The following NPSR1 variants were observed in gnomAD, a reference collection of about 807,000 sequenced individuals.
NPSR1 encodes the protein neuropeptide S receptor.
NPSR1 carries 48 observed loss-of-function variants against 46.9 expected under a neutral mutation model. The ratio of observed to expected loss-of-function variants is 1.02; its 90% CI spans 0.81 to 1.30. The LOEUF (loss-of-function observed/expected upper bound fraction) is 1.30, where lower values mean the gene tolerates loss of function less well. NPSR1 is among the 50% of genes most tolerant of loss of function. The probability of loss-of-function intolerance (pLI) is 0.00; values close to 1 mark genes in which losing one functional copy is unlikely to be tolerated. For synonymous variants in NPSR1, 176 were observed against 168.1 expected, an observed-to-expected ratio of 1.05 and a Z score of -0.36; for missense variants, 450 against 449.5, an observed-to-expected ratio of 1.00 and a Z score of -0.01.
chr7:34,712,935 C>T (rs983660268), intron 2 of NPSR1, among the ~76,000 whole-genome samples: 5 of 152,144 alleles, frequency 3.3e-5, no homozygotes, highest in African/African-American at 1.2e-4. Flanking sequence ...CTGGATGGTA[C>T]AGCTTGAATT....
intron 2 of NPSR1, among the ~76,000 whole-genome samples, chr7:34,712,146 G>C (rs1474156700): frequency 6.6e-6 from 1 of 152,224 alleles, no homozygotes; most frequent in Non-Finnish European, 1.5e-5. Context: ...AACCACTGCA[G>C]ATCAGGGACT....
intron 2 of NPSR1, among the ~76,000 whole-genome samples, chr7:34,743,692 A>G (rs1451986095): frequency 6.6e-6 from 1 of 152,060 alleles, no homozygotes; most frequent in Non-Finnish European, 1.5e-5. Context: ...TTTGTTGAAG[A>G]TTAGATCATG....
intron 4 of NPSR1, 138 bp downstream of exon 4, chr7:34,812,001 C>T (rs993045600): frequency 2.4e-5 from 15 of 623,326 alleles, no homozygotes; most frequent in Non-Finnish European, 3.7e-5. Context: ...TCATTCTCCT[C>T]TTCCACCTCT....
At chr7:34,766,243 T>C (rs931217137) in intron 2 of NPSR1, among the ~76,000 whole-genome samples, 1 of 152,182 alleles carries the variant, frequency 6.6e-6, no homozygotes, top group African/African-American at 2.4e-5. Context: ...TCATACATTG[T>C]TGGTGGGAGT....
At chr7:34,696,136 TA>T (rs1258914937) in intron 2 of NPSR1, among the ~76,000 whole-genome samples, 1 of 143,980 alleles carries the variant, frequency 6.9e-6, no homozygotes, top group African/African-American at 2.6e-5. Flanking sequence ...TATGCAGCTA[TA>T]AAAAAGAATG....
intron 3 of NPSR1, among the ~76,000 whole-genome samples, chr7:34,794,131 G>A (rs2128745050): frequency 6.6e-6 from 1 of 152,052 alleles, no homozygotes; most frequent in South Asian, 2.1e-4. Context: ...GTTAAATAGA[G>A]GAACGGGTTC....
intron 2 of NPSR1, among the ~76,000 whole-genome samples, chr7:34,692,693 A>G (rs1288531550): frequency 2.0e-5 from 3 of 152,200 alleles, no homozygotes; most frequent in Non-Finnish European, 1.5e-5. Context: ...AAAAAGAAAT[A>G]TAATAACAAA....
intron 8 of NPSR1, among the ~76,000 whole-genome samples, chr7:34,865,919 G>T (rs546238044): frequency 2.0e-5 from 3 of 151,618 alleles, no homozygotes; most frequent in South Asian, 2.1e-4. Flanking sequence ...AAATCACCAG[G>T]CTCTTCCTAA....
At chr7:34,826,071 A>G (rs1030284959) in intron 4 of NPSR1, among the ~76,000 whole-genome samples, 1 of 152,168 alleles carries the variant, frequency 6.6e-6, no homozygotes, top group African/African-American at 2.4e-5. Flanking sequence ...TGTGTCAGTC[A>G]CCTGTGAGTC....
rs1562729228 is a variant in NPSR1 at position 34,790,724 on chromosome 7, T to TTC, written c.384+12160_384+12161insCT. Reference sequence around the variant, plus strand: ...TGTTCTATGTTATATATAATATATGTTATATGTTATATGTTATATATAATA... The same window carrying TTC: ...TGTTCTATGTTATATATAATATATGTTCTATATGTTATATGTTATATATAATA... On this transcript the variant is annotated intron_variant, in intron 3 of 8. Transcript: ENST00000360581. Among the ~76,000 whole-genome samples the TTC allele has an allele frequency of 4.1e-4, 46 of 112,814 alleles. 2 individuals are homozygous for TTC. Among genetic ancestry groups the TTC allele is most frequent in the African/African-American group, 1.5e-3 (45 of 29,544 alleles). The allele number at this position is 112,814 out of a possible 152,430, so 74.0% of individuals were successfully genotyped here.
intron 5 of NPSR1, among the ~76,000 whole-genome samples, chr7:34,830,864 C>T (rs1790083811): frequency 6.6e-6 from 1 of 152,128 alleles, no homozygotes; most frequent in African/African-American, 2.4e-5. Flanking sequence ...TGATGCCTCA[C>T]CTGCACTCCC....
rs140562391 is a variant in NPSR1 at position 34,783,865 on chromosome 7, A to G, written c.384+5300A>G. ...AGGAGAGACTAGAAGAACATATGTA[A>G]GGAAGGAAAAACAAACTGCCAACCA... On this transcript the variant is annotated intron_variant, in intron 3 of 8. Transcript: ENST00000360581. 2.0e-5 allele frequency among the ~76,000 whole-genome samples: 3 copies of G among 152,204 alleles called. No individual in the cohort carries two copies. The East Asian group carries it at 5.8e-4, about 29-fold the overall frequency.
intron 2 of NPSR1, among the ~76,000 whole-genome samples, chr7:34,755,902 A>G (rs1434022960): frequency 6.6e-6 from 1 of 152,232 alleles, no homozygotes; most frequent in African/African-American, 2.4e-5. Context: ...ACTCAAAGCC[A>G]TAGGTATTCT....
intron 5 of NPSR1, among the ~76,000 whole-genome samples, chr7:34,828,870 T>C (rs1237203685): frequency 6.6e-6 from 1 of 152,228 alleles, no homozygotes; most frequent in African/African-American, 2.4e-5. Flanking sequence ...TAAGATCACT[T>C]GTAGAAAAGG....
chr7:34,674,834 T>C (rs1247628063), intron 1 of NPSR1, among the ~76,000 whole-genome samples: 1 of 152,130 alleles, frequency 6.6e-6, no homozygotes, highest in African/African-American at 2.4e-5. Context: ...GCATGGACCT[T>C]ATGCTCAGTC....
intron 3 of NPSR1, among the ~76,000 whole-genome samples, chr7:34,796,719 T>C (rs1282949379): frequency 2.0e-5 from 3 of 152,222 alleles, no homozygotes; most frequent in Non-Finnish European, 4.4e-5. Flanking sequence ...GAACGTTCAC[T>C]CATTGCTAGT....
chr7:34,793,342 A>C (rs1489395467), intron 3 of NPSR1, among the ~76,000 whole-genome samples: 1 of 152,168 alleles, frequency 6.6e-6, no homozygotes, highest in East Asian at 1.9e-4. Context: ...TGAGAAACTC[A>C]AACAACTCAA....
In NPSR1 at chr7:34,872,785, A is replaced by T. The variant is rs544416613; in HGVS notation, c.1026-5291A>T. Among the ~76,000 whole-genome samples the T allele has an allele frequency of 1.1e-4, 17 of 151,860 alleles. 1 individual carries two copies. The highest frequency in any genetic ancestry group is 7.2e-4 in the Admixed American group (11 of 15,280). On this transcript the variant is annotated intron_variant, in intron 8 of 8. Coordinates refer to the NPSR1 transcript ENST00000359791. Reference sequence around the variant, plus strand: ...AGCACAGGAAATACTTCCCCCCATGATTCAATTATCTCACACTAGGTCTCT... The same window carrying T: ...AGCACAGGAAATACTTCCCCCCATGTTTCAATTATCTCACACTAGGTCTCT...
intron 3 of NPSR1, among the ~76,000 whole-genome samples, chr7:34,787,448 T>G (rs1787515874): frequency 6.6e-6 from 1 of 152,154 alleles, no homozygotes; most frequent in Non-Finnish European, 1.5e-5. Flanking sequence ...TTGTTTCATT[T>G]TCTTGTAATT....
Sources: allele counts gnomAD v4.1 joint callset (sites outside exome capture counted in the v4.1 genomes callset), GRCh38; gene constraint gnomAD v4.1.1; transcripts MANE v1.5; gene names NCBI Gene and HGNC (gene_info 2026-07-23, HGNC 2026-07-21).